Variants in SLC5A10 observed in about 807,000 individuals in gnomAD.
SLC5A10 encodes sodium/mannose cotransporter SLC5A10.
Under a neutral mutation model 68.9 loss-of-function variants are expected in SLC5A10, and 55 were observed. The observed-to-expected ratio is 0.80, with a 90% confidence interval of 0.64 to 1.00. The LOEUF (loss-of-function observed/expected upper bound fraction) is 1.00. SLC5A10 is among the 50% of genes least tolerant of loss of function. SLC5A10 has a pLI of 0.00. For synonymous variants in SLC5A10, 344 were observed against 344.8 expected (o/e 1.00, Z 0.02); for missense variants, 732 against 819.3 (o/e 0.89, Z 1.30).
chr17:18,972,809 C>T (rs2042886877), intron 8 of SLC5A10, among the ~76,000 whole-genome samples: 2 of 151,126 alleles, frequency 1.3e-5, no homozygotes, highest in Non-Finnish European at 2.9e-5. Flanking sequence ...TGACAGTGAG[C>T]AGTGAGCCGA....
At chr17:18,953,031 C>T (rs931558843) in intron 1 of SLC5A10, among the ~76,000 whole-genome samples, 17 of 152,082 alleles carry the variant, frequency 1.1e-4, no homozygotes, top group African/African-American at 3.4e-4. Flanking sequence ...CCACGCTTAG[C>T]GCCTGGGGAT....
chr17:18,982,170 G>A (rs755193145), intron 9 of SLC5A10, among the ~76,000 whole-genome samples: 5 of 152,232 alleles, frequency 3.3e-5, no homozygotes, highest in Non-Finnish European at 5.9e-5. Context: ...GCTGTGACTC[G>A]AAGCAAGTCC....
At chr17:18,992,488 C>T (rs948771991) in intron 9 of SLC5A10, among the ~76,000 whole-genome samples, 4 of 152,238 alleles carry the variant, frequency 2.6e-5, no homozygotes, top group Admixed American at 6.5e-5. Context: ...CCAGCAGACA[C>T]GGCCTGAAGC....
intron 9 of SLC5A10, among the ~76,000 whole-genome samples, chr17:19,005,231 T>C (rs1294239607): frequency 6.6e-6 from 1 of 152,142 alleles, no homozygotes; most frequent in Non-Finnish European, 1.5e-5. Flanking sequence ...CCTGAGCAGA[T>C]ACCCAGTTCT....
chr17:18,959,465 C>CA (rs2042569807), intron 3 of SLC5A10, 139 bp from the exon 4 acceptor site: 1 of 1,015,316 alleles, frequency 9.8e-7, no homozygotes, highest in East Asian at 2.5e-5. Context: ...GAAGGAGCCA[C>CA]CCAGGATCTC....
Position 19,019,442 on chromosome 17 carries a change from A to G in SLC5A10, c.1261A>G (p.Ile421Val). ...CTGCAGGCTGGTCATAGTGGCACTCATCGGCGTGAGTGTGGCCTGGATCCC... is the reference window on the plus strand; with the variant it reads ...CTGCAGGCTGGTCATAGTGGCACTCGTCGGCGTGAGTGTGGCCTGGATCCC... ...LVGRLVIVAL[I>V]GVSVAWIPVL... Residue 421 changes from isoleucine to valine, a missense_variant, in exon 12 of 15, where the codon ATC becomes GTC. Physicochemically the swap from Ile to Val is conservative, Grantham distance 29. Coordinates refer to ENST00000395645, the MANE Select transcript of SLC5A10 (RefSeq NM_001042450.4). 6.2e-7 allele frequency: 1 copy of G among 1,611,194 alleles called. No individual in the cohort carries two copies. The highest frequency in any genetic ancestry group is 1.1e-5 in the South Asian group (1 of 91,050).
intron 5 of SLC5A10, among the ~76,000 whole-genome samples, chr17:18,961,833 T>C (rs1217605798): frequency 1.3e-5 from 2 of 152,150 alleles, no homozygotes; most frequent in Non-Finnish European, 2.9e-5. Flanking sequence ...GCCTGGCCTC[T>C]ATCTGCACTG....
intron 9 of SLC5A10, 138 bp downstream of exon 9, chr17:18,977,127 C>T (rs2043000663): frequency 3.4e-6 from 4 of 1,191,688 alleles, no homozygotes; most frequent in Non-Finnish European, 4.7e-6. Flanking sequence ...GGAGAGTGGT[C>T]CTCAGGGCCA....
chr17:19,004,207 G>C lies in SLC5A10; in HGVS notation c.983-9203G>C. ...CCTGATGAGCCCGGCTCGGCGGGGA[G>C]GGCGGGCCGCGCGGGGAGGGGCGGC... On this transcript the variant is annotated intron_variant, in intron 9 of 14. Transcript: ENST00000395645. The surrounding 1 kb of genome is among the most constrained non-coding windows in gnomAD (Gnocchi z 5.4). 1 of 620,900 alleles carries C rather than the reference G, an allele frequency of 1.6e-6. No individual in the cohort carries two copies. The highest frequency in any genetic ancestry group is 2.6e-6 in the Non-Finnish European group (1 of 381,520). The allele number at this position is 620,900 out of a possible 1,614,324, so 38.5% of individuals were successfully genotyped here.
intron 7 of SLC5A10, 59 bp downstream of exon 7, chr17:18,969,481 T>C (rs1311028536): frequency 6.7e-7 from 1 of 1,495,828 alleles, no homozygotes; most frequent in African/African-American, 1.4e-5. Context: ...CTTTGGAGTC[T>C]GGCACTGCCC....
chr17:19,003,266 A>C lies in SLC5A10; in HGVS notation c.983-10144A>C, dbSNP rs2043778175. 6.6e-6 allele frequency among the ~76,000 whole-genome samples: 1 copy of C among 151,028 alleles called. No individual in the cohort carries two copies. ...TTCTGGGGAACCAGAAACACCCTCC[A>C]ACAATAAAGAGGCCCTTTGAGACGG... On this transcript the variant is annotated intron_variant, in intron 9 of 14. Coordinates refer to ENST00000395645, the MANE Select transcript of SLC5A10 (RefSeq NM_001042450.4). The surrounding 1 kb of genome is among the most constrained non-coding windows in gnomAD (Gnocchi z 4.5).
rs768356628 is a variant in SLC5A10 at position 19,013,432 on chromosome 17, G to C, written c.1005G>C (p.Pro335=). 6.2e-7 allele frequency: 1 copy of C among 1,606,058 alleles called. No individual in the cohort carries two copies. Among genetic ancestry groups the C allele is most frequent in the Non-Finnish European group, 8.5e-7 (1 of 1,176,114 alleles). ...LFPDDVGCVV[P]SECLRACGAE... is the part of the protein sequence containing the mutation. ...CAGATGATGTGGGCTGCGTGGTGCC[G>C]TCCGAGTGCCTGCGGGCCTGCGGGG... is the stretch of plus-strand genomic sequence containing the variant. The change falls in exon 10 of 15, where the codon CCG becomes CCC. Residue 335 remains proline (P), a synonymous_variant. Coordinates refer to ENST00000395645, the MANE Select transcript of SLC5A10 (RefSeq NM_001042450.4).
At chr17:18,999,589 G>A (rs1461960216) in intron 9 of SLC5A10, among the ~76,000 whole-genome samples, 1 of 152,206 alleles carries the variant, frequency 6.6e-6, no homozygotes, top group Non-Finnish European at 1.5e-5. Flanking sequence ...ATGGTAAAGT[G>A]CCCGCTCAGC....
chr17:18,956,534 TG>T (rs1334750348), intron 1 of SLC5A10, among the ~76,000 whole-genome samples: 1 of 147,044 alleles, frequency 6.8e-6, no homozygotes, highest in Non-Finnish European at 1.5e-5. Context: ...TGGAGGGCAG[TG>T]GCGCCATCTT....
rs945893394 is a variant in SLC5A10, at chr17:19,004,150, C to G, written c.983-9260C>G. 1 of 1,079,854 alleles carries G rather than the reference C, an allele frequency of 9.3e-7. No individual in the cohort carries two copies. The highest frequency in any genetic ancestry group is 1.3e-6 in the Non-Finnish European group (1 of 764,604). 66.9% of individuals were successfully genotyped at this position (1,079,854 alleles called of 1,614,324 possible). A position where few individuals can be genotyped will look rare whatever the true frequency, so the allele number is the denominator to read the frequency against. On this transcript the variant is annotated intron_variant, in intron 9 of 14. Coordinates refer to ENST00000395645, the MANE Select transcript of SLC5A10 (RefSeq NM_001042450.4). This position sits in a 1 kb window ranked among gnomAD's most constrained non-coding sequence, Gnocchi z 5.4. ...CTCGGGGGCCTCTCCGCGGCCTCTGCTTCTCTGCCCATGAGCAATCTGCGG... is the reference window on the plus strand; with the variant it reads ...CTCGGGGGCCTCTCCGCGGCCTCTGGTTCTCTGCCCATGAGCAATCTGCGG...
At chr17:18,982,091 G>T (rs1240520436) in intron 9 of SLC5A10, among the ~76,000 whole-genome samples, 1 of 152,258 alleles carries the variant, frequency 6.6e-6, no homozygotes, top group Admixed American at 6.5e-5. Context: ...GGCTCGGAAA[G>T]TCACCACTTC....
Position 19,021,726 on chromosome 17 carries a change from A to G in SLC5A10, c.*1295A>G, listed in dbSNP as rs1168652996. On this transcript the variant is annotated 3_prime_UTR_variant, in exon 15 of 15. Transcript: ENST00000395645. This position sits in a 1 kb window ranked among gnomAD's most constrained non-coding sequence, Gnocchi z 4.1. ...TGTGGTGTCACACAGCTGGCAGCCA[A>G]TGGAAAGCAACCAGCCAGGAAGCCC... is the stretch of plus-strand genomic sequence containing the variant. 3 of 407,928 alleles carry G rather than the reference A, an allele frequency of 7.4e-6. No homozygotes were observed. Among genetic ancestry groups the G allele is most frequent in the Non-Finnish European group, 1.3e-5 (3 of 233,038 alleles). 25.3% of individuals were successfully genotyped at this position (407,928 alleles called of 1,614,324 possible). A position where few individuals can be genotyped will look rare whatever the true frequency, so the allele number is the denominator to read the frequency against.
At position 18,980,152 on chromosome 17, in the gene SLC5A10, C is replaced by T. The variant is rs562993129; in HGVS notation, c.982+3163C>T. On this transcript the variant is annotated intron_variant, in intron 9 of 14. Transcript: ENST00000395645. The stretch of plus-strand genomic sequence containing the variant: ...CCTGCAGAATCTGTGCCTTATACTC[C>T]GATAAGTCTGTGGCCCTCCAGGGTG... Among the ~76,000 whole-genome samples the T allele has an allele frequency of 1.9e-4, 29 of 152,254 alleles. No individual in the cohort carries two copies. The South Asian group carries it at 5.4e-3, about 28-fold the overall frequency.
In SLC5A10 at chr17:19,003,991, G is replaced by A; in HGVS notation, c.983-9419G>A. 6.2e-7 allele frequency: 1 copy of A among 1,612,132 alleles called. No homozygotes were observed. The highest frequency in any genetic ancestry group is 8.5e-7 in the Non-Finnish European group (1 of 1,179,498). On this transcript the variant is annotated intron_variant, in intron 9 of 14. Transcript: ENST00000395645. This position sits in a 1 kb window ranked among gnomAD's most constrained non-coding sequence, Gnocchi z 4.5. Reference sequence around the variant, plus strand: ...AGAACTCAGGCTTGGACTCGCTGGAGCGCCAGTTCACATGGTTGTCGTCCA... The same window carrying A: ...AGAACTCAGGCTTGGACTCGCTGGAACGCCAGTTCACATGGTTGTCGTCCA...
Sources: gnomAD v4.1 joint callset for allele counts (sites outside exome capture counted in the v4.1 genomes callset) on GRCh38, gnomAD v4.1.1 for gene constraint, Gnocchi (gnomAD v3.1) non-coding constraint, MANE v1.5 for transcripts, NCBI Gene and HGNC (gene_info 2026-07-23, HGNC 2026-07-21) for gene names.